Variants in RASGRF1 observed in about 807,000 individuals in gnomAD.
RASGRF1 encodes the protein Ras protein specific guanine nucleotide releasing factor 1, also known as ras-specific guanine nucleotide-releasing factor 1.
A neutral mutation model predicts 138.7 loss-of-function variants in RASGRF1; 40 were observed. The ratio of observed to expected loss-of-function variants is 0.29; its 90% CI spans 0.22 to 0.38. The LOEUF is 0.38. RASGRF1 is among the 10% of genes least tolerant of loss of function. RASGRF1 has a pLI of 1.00. For missense variants in RASGRF1, 1,108 were observed against 1,650.4 expected (o/e 0.67, Z 5.69); for synonymous variants, 614 against 663.2 (o/e 0.93, Z 1.14).
At chr15:79,012,615 C>A in intron 13 of RASGRF1, 1 of 1,534,314 alleles carries the variant, frequency 6.5e-7, no homozygotes. Context: ...ACTTTATCAC[C>A]ATCATTATTC....
intron 26 of RASGRF1, among the ~76,000 whole-genome samples, chr15:78,966,225 A>ATTT (rs3063545): frequency 9.0e-5 from 10 of 110,720 alleles, no homozygotes; most frequent in African/African-American, 2.7e-4. Context: ...GAGGACTTAA[A>ATTT]TTTTTTTTTT....
chr15:79,053,684 G>A (rs923980383), intron 3 of RASGRF1, among the ~76,000 whole-genome samples: 7 of 152,278 alleles, frequency 4.6e-5, no homozygotes, highest in East Asian at 1.9e-4. Flanking sequence ...CACGTGTGTC[G>A]GCATGATCTC....
At chr15:79,059,991 GACACACAC>G (rs941037876) in intron 2 of RASGRF1, among the ~76,000 whole-genome samples, 32 of 31,574 alleles carry the variant, frequency 1.0e-3, no homozygotes, top group East Asian at 6.7e-3. Flanking sequence ...CAGACACACA[GACACACAC>G]ACACACACAC....
At chr15:78,969,485 G>A (rs901629163) in intron 26 of RASGRF1, among the ~76,000 whole-genome samples, 3 of 152,010 alleles carry the variant, frequency 2.0e-5, no homozygotes, top group South Asian at 2.1e-4. Flanking sequence ...CCTGACCAAC[G>A]TGGTGAAACC....
At chr15:79,079,557 A>G (rs1487926554) in intron 1 of RASGRF1, among the ~76,000 whole-genome samples, 1 of 152,216 alleles carries the variant, frequency 6.6e-6, no homozygotes, top group Non-Finnish European at 1.5e-5. Context: ...CTCTCCACAA[A>G]ATAGTGAGAA....
At chr15:79,037,377 G>T (rs185976088) in intron 5 of RASGRF1, among the ~76,000 whole-genome samples, 25 of 152,146 alleles carry the variant, frequency 1.6e-4, no homozygotes, top group African/African-American at 6.0e-4. Context: ...ATGGTGGGGT[G>T]GGGGAGGTGC....
intron 24 of RASGRF1, chr15:78,978,940 G>T: frequency 1.6e-6 from 2 of 1,282,694 alleles, no homozygotes; most frequent in South Asian, 2.5e-5. Context: ...GGGCCCACAG[G>T]CCACCTGAAA....
intron 1 of RASGRF1, among the ~76,000 whole-genome samples, chr15:79,078,904 G>T (rs1459644825): frequency 6.6e-6 from 1 of 152,254 alleles, no homozygotes; most frequent in Non-Finnish European, 1.5e-5. Context: ...TGACCTCCTG[G>T]GTGCCATGCT....
At chr15:79,066,091 C>A (rs1567605884) in intron 1 of RASGRF1, among the ~76,000 whole-genome samples, 1 of 152,034 alleles carries the variant, frequency 6.6e-6, no homozygotes, top group Non-Finnish European at 1.5e-5. Context: ...ACCCTGCCCC[C>A]CTAGAGGAGG....
intron 13 of RASGRF1, among the ~76,000 whole-genome samples, chr15:79,008,991 G>A (rs1444855940): frequency 1.3e-5 from 2 of 152,142 alleles, no homozygotes; most frequent in African/African-American, 2.4e-5. Flanking sequence ...TATGACGTCT[G>A]ATAAGGTTAG....
intron 8 of RASGRF1, among the ~76,000 whole-genome samples, chr15:79,029,716 G>A: frequency 6.6e-6 from 1 of 152,082 alleles, no homozygotes; most frequent in East Asian, 1.9e-4. Context: ...CTGCTTGTGG[G>A]AGCGTGAAAG....
At chr15:79,031,097 G>C (rs974939152) in intron 8 of RASGRF1, among the ~76,000 whole-genome samples, 4 of 152,230 alleles carry the variant, frequency 2.6e-5, no homozygotes, top group Non-Finnish European at 5.9e-5. Context: ...GGAGAGCAGA[G>C]AGTGCCTGGG....
chr15:79,008,339 C>A (rs2056726575), intron 13 of RASGRF1, among the ~76,000 whole-genome samples: 1 of 152,088 alleles, frequency 6.6e-6, no homozygotes, highest in Admixed American at 6.5e-5. Context: ...AGGATGAGAA[C>A]AATATGGGAA....
At chr15:79,003,020 G>GA (rs112004839) in intron 15 of RASGRF1, among the ~76,000 whole-genome samples, 3,321 of 152,272 alleles carry the variant, frequency 0.022, 111 homozygotes, top group African/African-American at 0.076. Flanking sequence ...ATCTAAATCA[G>GA]AACCAGACCT....
At chr15:78,974,623 T>C (rs2055837841) in intron 24 of RASGRF1, among the ~76,000 whole-genome samples, 1 of 152,242 alleles carries the variant, frequency 6.6e-6, no homozygotes, top group African/African-American at 2.4e-5. Flanking sequence ...CATTGGATTT[T>C]TACTTTTTTC....
At chr15:79,069,405 A>G (rs1368266777) in intron 1 of RASGRF1, among the ~76,000 whole-genome samples, 1 of 151,994 alleles carries the variant, frequency 6.6e-6, no homozygotes, top group Non-Finnish European at 1.5e-5. Context: ...GGATGGCAAG[A>G]CCCCGTTTGC....
chr15:79,084,915 C>T (rs562323817), intron 1 of RASGRF1, among the ~76,000 whole-genome samples: 168 of 152,146 alleles, frequency 1.1e-3, no homozygotes, highest in Non-Finnish European at 2.2e-3. Flanking sequence ...CAATTTTCCA[C>T]GTGAGTGTCT....
chr15:78,993,946 G>C (rs1315111851), intron 20 of RASGRF1, among the ~76,000 whole-genome samples: 1 of 152,188 alleles, frequency 6.6e-6, no homozygotes, highest in Non-Finnish European at 1.5e-5. Flanking sequence ...AATCCTCACT[G>C]TCTCTAGTGA....
At chr15:78,992,444 G>C (rs1047903327) in intron 20 of RASGRF1, among the ~76,000 whole-genome samples, 3 of 152,220 alleles carry the variant, frequency 2.0e-5, no homozygotes, top group Non-Finnish European at 4.4e-5. Context: ...AGAGGACAGT[G>C]GTGGCCACGG....
Sources: gnomAD v4.1 joint callset for allele counts (sites outside exome capture counted in the v4.1 genomes callset) on GRCh38, gnomAD v4.1.1 for gene constraint, MANE v1.5 for transcripts, NCBI Gene and HGNC (gene_info 2026-07-23, HGNC 2026-07-21) for gene names.